PEBP4: variants seen among roughly 807,000 people sequenced by gnomAD.
PEBP4 encodes the protein phosphatidylethanolamine-binding protein 4.
PEBP4 carries 22 observed loss-of-function variants against 23.9 expected under a neutral mutation model. That is an observed-to-expected ratio of 0.92 (90% CI 0.66 to 1.31). The LOEUF is 1.31. Among genes scored for constraint, PEBP4 ranks in the 40% most tolerant of loss-of-function variants. The pLI is 0.00. For synonymous variants in PEBP4, 112 were observed against 99.3 expected (o/e 1.13, Z -0.76); for missense variants, 324 against 281.7 (o/e 1.15, Z -1.07).
chr8:22,800,090 A>C (rs1480882581), intron 4 of PEBP4, among the ~76,000 whole-genome samples: 2 of 152,204 alleles, frequency 1.3e-5, no homozygotes, highest in Non-Finnish European at 2.9e-5. Flanking sequence ...CATTCTGAGC[A>C]AACTATCACA....
chr8:22,787,739 T>A (rs571570225), intron 4 of PEBP4, among the ~76,000 whole-genome samples: 98 of 152,280 alleles, frequency 6.4e-4, no homozygotes, highest in Non-Finnish European at 1.1e-3. Context: ...GCTACGACTA[T>A]GAGTAATTGT....
chr8:22,938,052 G>A (rs1323874342), intron 1 of PEBP4, among the ~76,000 whole-genome samples: 9 of 152,100 alleles, frequency 5.9e-5, no homozygotes, highest in East Asian at 1.9e-4. Flanking sequence ...CACCAAAAGC[G>A]GAGGCAGCAA....
chr8:22,716,214 A>G (rs1426230522), intron 6 of PEBP4, among the ~76,000 whole-genome samples: 3 of 152,194 alleles, frequency 2.0e-5, no homozygotes, highest in Non-Finnish European at 4.4e-5. Flanking sequence ...CAGGGCTGCC[A>G]CATATGATGT....
chr8:22,872,231 G>T (rs569402171), intron 3 of PEBP4, among the ~76,000 whole-genome samples: 1 of 152,212 alleles, frequency 6.6e-6, no homozygotes, highest in Non-Finnish European at 1.5e-5. Flanking sequence ...AAATGGTGGA[G>T]TCAGGATTTG....
intron 6 of PEBP4, among the ~76,000 whole-genome samples, chr8:22,717,710 A>G (rs927797429): frequency 6.6e-6 from 1 of 152,102 alleles, no homozygotes; most frequent in African/African-American, 2.4e-5. Flanking sequence ...GGTGATCTGT[A>G]TCTACCCAAG....
chr8:22,877,496 C>A (rs1808145832), intron 3 of PEBP4, among the ~76,000 whole-genome samples: 1 of 152,200 alleles, frequency 6.6e-6, no homozygotes, highest in Non-Finnish European at 1.5e-5. Flanking sequence ...CCAGGAGGCA[C>A]TGACTTTGTC....
intron 4 of PEBP4, among the ~76,000 whole-genome samples, chr8:22,733,402 C>A (rs1804781001): frequency 6.6e-6 from 1 of 152,166 alleles, no homozygotes; most frequent in Non-Finnish European, 1.5e-5. Context: ...CTTGAGGGTC[C>A]AGCGACACTC....
chr8:22,794,663 T>G (rs948966500), intron 4 of PEBP4, among the ~76,000 whole-genome samples: 2 of 152,178 alleles, frequency 1.3e-5, no homozygotes, highest in African/African-American at 4.8e-5. Flanking sequence ...TATTGCACAT[T>G]TTTTTCAATG....
At chr8:22,878,541 C>A (rs948283916) in intron 3 of PEBP4, among the ~76,000 whole-genome samples, 3 of 152,184 alleles carry the variant, frequency 2.0e-5, no homozygotes, top group African/African-American at 7.2e-5. Flanking sequence ...CCCTATTGCT[C>A]ATATCTAATC....
chr8:22,732,090 G>C (rs1244840095), intron 4 of PEBP4, among the ~76,000 whole-genome samples: 1 of 152,086 alleles, frequency 6.6e-6, no homozygotes, highest in Non-Finnish European at 1.5e-5. Context: ...GGTTTTTCAG[G>C]AGAGCAGACC....
chr8:22,744,348 G>A (rs1307422797), intron 4 of PEBP4, among the ~76,000 whole-genome samples: 1 of 152,192 alleles, frequency 6.6e-6, no homozygotes, highest in East Asian at 1.9e-4. Flanking sequence ...TTCTAGAACT[G>A]CCTAACTGTG....
chr8:22,720,079 C>T (rs1804489822), intron 6 of PEBP4, among the ~76,000 whole-genome samples: 1 of 152,158 alleles, frequency 6.6e-6, no homozygotes, highest in Non-Finnish European at 1.5e-5. Flanking sequence ...GGGCTGGGCA[C>T]AGGGACAGGT....
chr8:22,806,062 T>G (rs575641331), intron 4 of PEBP4, among the ~76,000 whole-genome samples: 46 of 152,302 alleles, frequency 3.0e-4, no homozygotes, highest in Non-Finnish European at 4.7e-4. Context: ...AGATTAAAAT[T>G]AGCTTCAAAA....
chr8:22,822,482 AG>A (rs1425930662), intron 3 of PEBP4, among the ~76,000 whole-genome samples: 1 of 152,192 alleles, frequency 6.6e-6, no homozygotes, highest in African/African-American at 2.4e-5. Context: ...ACATGATAAA[AG>A]AAGAAATGAA....
At chr8:22,738,951 CAGA>C (rs905475044) in intron 4 of PEBP4, among the ~76,000 whole-genome samples, 1 of 152,088 alleles carries the variant, frequency 6.6e-6, no homozygotes, top group Non-Finnish European at 1.5e-5. Context: ...TGGGGAGGAC[CAGA>C]AGAAGGGGGC....
intron 4 of PEBP4, among the ~76,000 whole-genome samples, chr8:22,734,596 C>G (rs946509603): frequency 1.3e-5 from 2 of 152,178 alleles, no homozygotes; most frequent in African/African-American, 4.8e-5. Context: ...TATCTTGGCA[C>G]AGTCTGGCAA....
chr8:22,798,211 T>G (rs375558418), intron 4 of PEBP4, among the ~76,000 whole-genome samples: 63 of 152,302 alleles, frequency 4.1e-4, no homozygotes, highest in African/African-American at 1.5e-3. Context: ...GGTTTTATGA[T>G]GCTTTCACAT....
chr8:22,751,335 C>G (rs1010104142), intron 4 of PEBP4, among the ~76,000 whole-genome samples: 2 of 152,164 alleles, frequency 1.3e-5, no homozygotes, highest in Non-Finnish European at 1.5e-5. Flanking sequence ...ACCTGCCACT[C>G]TTGGGGGTGG....
chr8:22,819,398 C>A (rs541275256), intron 3 of PEBP4, among the ~76,000 whole-genome samples: 1 of 152,022 alleles, frequency 6.6e-6, no homozygotes, highest in African/African-American at 2.4e-5. Context: ...ACTGTTATCA[C>A]GATAAGACCA....
Sources: allele counts gnomAD v4.1 joint callset (sites outside exome capture counted in the v4.1 genomes callset), GRCh38; gene constraint gnomAD v4.1.1; transcripts MANE v1.5; gene names NCBI Gene and HGNC (gene_info 2026-07-23, HGNC 2026-07-21).